NUGGC: variants seen among roughly 807,000 people sequenced by gnomAD.
The protein encoded by NUGGC is nuclear GTPase SLIP-GC.
A neutral mutation model predicts 92.6 loss-of-function variants in NUGGC; 58 were observed. That is an observed-to-expected ratio of 0.63 (90% confidence interval 0.51 to 0.78). The LOEUF is 0.78. Ranked by LOEUF, NUGGC falls within the 30% of genes least tolerant of loss-of-function variation. The pLI is 0.00. For missense variants in NUGGC, 925 were observed against 964.6 expected (o/e 0.96, Z 0.54); for synonymous variants, 376 against 366.4 (o/e 1.03, Z -0.30).
At chr8:28,028,315 A>T (rs1563213159) in intron 17 of NUGGC, among the ~76,000 whole-genome samples, 1 of 152,236 alleles carries the variant, frequency 6.6e-6, no homozygotes, top group Non-Finnish European at 1.5e-5. Flanking sequence ...GATTGAAACT[A>T]AACTGCTGCT....
chr8:28,070,578 C>T (rs1045748467), intron 2 of NUGGC, among the ~76,000 whole-genome samples: 1 of 150,834 alleles, frequency 6.6e-6, no homozygotes, highest in Non-Finnish European at 1.5e-5. Flanking sequence ...CAGCAAGACC[C>T]TTGTCTCAAA....
intron 11 of NUGGC, among the ~76,000 whole-genome samples, chr8:28,046,763 C>T (rs1414957828): frequency 3.3e-5 from 5 of 151,122 alleles, no homozygotes; most frequent in African/African-American, 1.2e-4. Context: ...TCACTGCAAC[C>T]TCCACCTCCC....
chr8:28,070,102 C>A (rs1317554850), intron 3 of NUGGC, 150 bp downstream of exon 3: 3 of 1,433,128 alleles, frequency 2.1e-6, no homozygotes, highest in Non-Finnish European at 2.7e-6. Context: ...AACTGCATAC[C>A]GCTACAGAGA....
At chr8:28,083,518 C>T (rs140181480) in intron 1 of NUGGC, among the ~76,000 whole-genome samples, 5 of 152,170 alleles carry the variant, frequency 3.3e-5, no homozygotes, top group Admixed American at 2.0e-4. Context: ...AGAAAGCAGA[C>T]GTTAGATAAA....
intron 10 of NUGGC, among the ~76,000 whole-genome samples, chr8:28,050,595 G>T (rs1033017372): frequency 1.3e-5 from 2 of 152,092 alleles, no homozygotes; most frequent in African/African-American, 4.8e-5. Context: ...TGGGTCACCT[G>T]AGGTCAGGAG....
chr8:28,059,475 A>G (rs939177790), intron 8 of NUGGC, among the ~76,000 whole-genome samples: 8 of 152,210 alleles, frequency 5.3e-5, no homozygotes, highest in African/African-American at 1.9e-4. Flanking sequence ...TAGAGAATGC[A>G]TCTACCTTCT....
At chr8:28,025,940 C>T (rs1809248376) in intron 18 of NUGGC, among the ~76,000 whole-genome samples, 2 of 152,226 alleles carry the variant, frequency 1.3e-5, no homozygotes, top group Non-Finnish European at 2.9e-5. Context: ...CGAGTACTGC[C>T]AGTGTTCTAT....
chr8:28,054,783 C>T (rs111679313), intron 10 of NUGGC, among the ~76,000 whole-genome samples: 1,735 of 151,698 alleles, frequency 0.011, 36 homozygotes, highest in African/African-American at 0.039. Context: ...GTGGTGCTTG[C>T]CGAGCTGTAG....
rs758237555 is a variant in NUGGC at position 28,026,947 on chromosome 8, C to G, written c.2245+15G>C. ...CTGCACAATCACCCTGTATACAAAG[C>G]TTTGGCGTATTTACCTGCAAGCTCC... is the stretch of plus-strand genomic sequence containing the variant. On this transcript the variant is annotated intron_variant, in intron 18 of 18. Transcript: ENST00000413272. 1 of 1,582,622 alleles carries G rather than the reference C, an allele frequency of 6.3e-7. No individual in the cohort carries two copies. Among genetic ancestry groups the G allele is most frequent in the Admixed American group, 1.7e-5 (1 of 59,980 alleles).
At chr8:28,040,246 T>TA (rs1453132362) in intron 13 of NUGGC, among the ~76,000 whole-genome samples, 4 of 152,174 alleles carry the variant, frequency 2.6e-5, no homozygotes, top group African/African-American at 9.7e-5. Flanking sequence ...GCCTTACACT[T>TA]ACATTTTCAT....
At position 28,064,585 on chromosome 8, in the gene NUGGC, G is replaced by C. The variant is rs772111643; in HGVS notation, c.858C>G (p.Val286=). Residue 286 remains valine, a synonymous_variant, in exon 7 of 19, where the codon GTC becomes GTG. Coordinates refer to ENST00000413272, the MANE Select transcript of NUGGC (RefSeq NM_001010906.2). ...CTGTGCCTGGGATGTCCACCAGCACGACCCCTTCTGGGATCAGGTCGGATT... is the reference window on the plus strand; with the variant it reads ...CTGTGCCTGGGATGTCCACCAGCACCACCCCTTCTGGGATCAGGTCGGATT... The part of the protein sequence containing the change: ...LPKSDLIPEG[V]VLVDIPGTGD... 3.7e-6 allele frequency: 6 copies of C among 1,613,880 alleles called. No homozygotes were observed. In the African/African-American group the frequency reaches 8.0e-5, roughly 22 times the overall value.
At chr8:28,080,067 G>A (rs934864994) in intron 1 of NUGGC, among the ~76,000 whole-genome samples, 11 of 152,132 alleles carry the variant, frequency 7.2e-5, no homozygotes, top group Admixed American at 2.0e-4. Flanking sequence ...TCAGCCTCCC[G>A]AGTAGCTGGG....
At chr8:28,061,629 T>C (rs1232437594) in intron 7 of NUGGC, among the ~76,000 whole-genome samples, 1 of 152,242 alleles carries the variant, frequency 6.6e-6, no homozygotes, top group Non-Finnish European at 1.5e-5. Context: ...GACTTTACAA[T>C]GGGTTTACTG....
At chr8:28,037,100 CG>C (rs2130105856) in intron 13 of NUGGC, among the ~76,000 whole-genome samples, 1 of 152,260 alleles carries the variant, frequency 6.6e-6, no homozygotes, top group South Asian at 2.1e-4. Flanking sequence ...TACGATTCCT[CG>C]TTTATCCAGC....
intron 1 of NUGGC, 22 bp from the exon 2 acceptor site, chr8:28,074,478 A>G: frequency 6.5e-7 from 1 of 1,546,848 alleles, no homozygotes; most frequent in East Asian, 2.2e-5. Context: ...AAGTACAAAG[A>G]CAGGTGGGGC....
chr8:28,066,170 A>C (rs1810437285), intron 6 of NUGGC, among the ~76,000 whole-genome samples: 1 of 152,250 alleles, frequency 6.6e-6, no homozygotes, highest in South Asian at 2.1e-4. Context: ...GCGTGTATTC[A>C]GATAAAGCAA....
At chr8:28,024,195 C>CTT (rs763885790) in intron 18 of NUGGC, among the ~76,000 whole-genome samples, 161 of 124,014 alleles carry the variant, frequency 1.3e-3, no homozygotes, top group East Asian at 3.0e-3. Flanking sequence ...TAAATTCTTT[C>CTT]TTTTTTTTTT....
chr8:28,080,340 T>C (rs555219101), intron 1 of NUGGC, among the ~76,000 whole-genome samples: 1 of 152,356 alleles, frequency 6.6e-6, no homozygotes, highest in South Asian at 2.1e-4. Context: ...ATTTTTTCTG[T>C]GTTCAATGCA....
At chr8:28,056,090 T>C (rs1487938160) in intron 9 of NUGGC, 36 bp from the exon 10 acceptor site, 1 of 1,236,302 alleles carries the variant, frequency 8.1e-7, no homozygotes, top group Admixed American at 2.2e-5. Flanking sequence ...ATGCAGAGAG[T>C]AGCGTTATCA....
Sources: allele counts gnomAD v4.1 joint callset (sites outside exome capture counted in the v4.1 genomes callset), GRCh38; gene constraint gnomAD v4.1.1; transcripts MANE v1.5; gene names NCBI Gene and HGNC (gene_info 2026-07-23, HGNC 2026-07-21).